The following BLTP2 variants were observed in gnomAD, a reference collection of about 807,000 sequenced individuals.
The protein encoded by BLTP2 is U937-associated antigen.
the BLTP2 span, chr17:28,617,175 T>C: frequency 4.1e-6 from 6 of 1,453,568 alleles, no homozygotes; most frequent in African/African-American, 1.4e-5. Flanking sequence ...AGGGCCGTTA[T>C]AAATGCCCCG....
the BLTP2 span, among the ~76,000 whole-genome samples, chr17:28,627,156 CA>C: frequency 6.6e-6 from 1 of 152,170 alleles, no homozygotes; most frequent in African/African-American, 2.4e-5. Flanking sequence ...TCTTCTGTGT[CA>C]ATTGTTTTCG....
the BLTP2 span, chr17:28,623,837 G>C: frequency 1.4e-5 from 22 of 1,614,064 alleles, no homozygotes; most frequent in Non-Finnish European, 1.8e-5. Flanking sequence ...CCATCCAAGA[G>C]GCAAGTCCAG....
chr17:28,617,125 T>A, the BLTP2 span: 2 of 1,193,298 alleles, frequency 1.7e-6, no homozygotes, highest in South Asian at 1.3e-5. Context: ...TTTCACCCTC[T>A]CAGATCACCA....
chr17:28,634,098 G>A, the BLTP2 span: 3 of 1,612,966 alleles, frequency 1.9e-6, no homozygotes, highest in Non-Finnish European at 2.5e-6. Flanking sequence ...TGTTACCAGA[G>A]GAAGGGTACA....
the BLTP2 span, chr17:28,618,725 A>T: frequency 7.7e-7 from 1 of 1,298,756 alleles, no homozygotes; most frequent in Non-Finnish European, 1.1e-6. Context: ...TTTATGAGTT[A>T]GACTCCTAAG....
At chr17:28,644,805 G>A in the BLTP2 span, among the ~76,000 whole-genome samples, 16 of 152,044 alleles carry the variant, frequency 1.1e-4, no homozygotes, top group Admixed American at 4.6e-4. Context: ...GCCCATCCCT[G>A]GGAGCTCGGG....
At chr17:28,631,317 C>T in the BLTP2 span, among the ~76,000 whole-genome samples, 1 of 152,206 alleles carries the variant, frequency 6.6e-6, no homozygotes, top group Non-Finnish European at 1.5e-5. Flanking sequence ...AGAACCCAAC[C>T]ATGCGGGCAC....
At chr17:28,638,249 T>C in the BLTP2 span, 2 of 1,611,134 alleles carry the variant, frequency 1.2e-6, no homozygotes, top group Non-Finnish European at 1.7e-6. Flanking sequence ...AGCCCTCACC[T>C]ACCTGTAGTG....
the BLTP2 span, chr17:28,632,163 A>G: frequency 1.9e-6 from 3 of 1,614,012 alleles, no homozygotes; most frequent in Non-Finnish European, 2.5e-6. Flanking sequence ...GCCTTGTGAC[A>G]CTTGTCCAAG....
chr17:28,616,048 C>G, the BLTP2 span: 38 of 1,440,446 alleles, frequency 2.6e-5, no homozygotes, highest in Non-Finnish European at 3.7e-5. This position sits in a 1 kb window ranked among gnomAD's most constrained non-coding sequence, Gnocchi z 4.8. Context: ...CTGATCTTAT[C>G]TGGTTCCCTT....
the BLTP2 span, among the ~76,000 whole-genome samples, chr17:28,636,738 A>G: frequency 2.6e-5 from 4 of 152,304 alleles, no homozygotes; most frequent in African/African-American, 9.6e-5. Flanking sequence ...CCAGTTTCAC[A>G]ACATGAGTTA....
the BLTP2 span, chr17:28,642,090 A>T: frequency 1.9e-6 from 3 of 1,612,572 alleles, no homozygotes; most frequent in East Asian, 6.7e-5. Context: ...TGTGGGGATG[A>T]TAAGCCTCTA....
chr17:28,639,565 A>G, the BLTP2 span: 3 of 1,613,970 alleles, frequency 1.9e-6, no homozygotes, highest in Non-Finnish European at 2.5e-6. Flanking sequence ...TGGTACCACA[A>G]TCATCACACC....
At chr17:28,633,050 C>G in the BLTP2 span, 1 of 1,590,122 alleles carries the variant, frequency 6.3e-7, no homozygotes. Context: ...GGCAGGAACT[C>G]TGGGGCCCGC....
chr17:28,642,437 G>A, the BLTP2 span: 1 of 893,166 alleles, frequency 1.1e-6, no homozygotes, highest in Non-Finnish European at 1.9e-6. Flanking sequence ...GGATCATGAG[G>A]TCAGGAGATC....
the BLTP2 span, chr17:28,635,164 G>T: frequency 1.2e-6 from 2 of 1,613,810 alleles, no homozygotes; most frequent in Non-Finnish European, 1.7e-6. Context: ...GGTCTGCAGC[G>T]CAGGGAAGGG....
At chr17:28,620,344 C>T in the BLTP2 span, among the ~76,000 whole-genome samples, 3 of 152,136 alleles carry the variant, frequency 2.0e-5, no homozygotes, top group Non-Finnish European at 4.4e-5. Context: ...CAGGCCTTTC[C>T]TAAGTAAGTG....
At chr17:28,643,775 T>A in the BLTP2 span, 1 of 1,039,486 alleles carries the variant, frequency 9.6e-7, no homozygotes, top group Non-Finnish European at 1.5e-6. Context: ...CCATGTTGCC[T>A]TGAATCCCAT....
chr17:28,645,104 G>T, the BLTP2 span: 3 of 1,530,758 alleles, frequency 2.0e-6, no homozygotes, highest in Non-Finnish European at 2.6e-6. Flanking sequence ...GCCATGCCGG[G>T]CCCCGACGCC....
Sources: allele counts gnomAD v4.1 joint callset (sites outside exome capture counted in the v4.1 genomes callset), GRCh38; gene constraint gnomAD v4.1.1; non-coding constraint Gnocchi (gnomAD v3.1); transcripts MANE v1.5; gene names NCBI Gene and HGNC (gene_info 2026-07-23, HGNC 2026-07-21).